ASB9: variants seen among roughly 807,000 people sequenced by gnomAD.
ASB9 encodes ankyrin repeat and SOCS box protein 9.
In ASB9, 5 loss-of-function variants were observed where a neutral mutation model predicts 16.6. That is an observed-to-expected ratio of 0.30 (90% CI 0.16 to 0.63). The LOEUF is 0.63. ASB9 is among the 30% of genes least tolerant of loss of function. The pLI, the probability that ASB9 is intolerant of heterozygous loss-of-function variation, is 0.82. For missense variants in ASB9, 216 were observed against 229.4 expected, an observed-to-expected ratio of 0.94 and a Z score of 0.38; for synonymous variants, 100 against 86.4, an observed-to-expected ratio of 1.16 and a Z score of -0.87.
rs144479992 is a variant in ASB9 at position 15,254,812 on chromosome X, A to G, written c.207T>C (p.His69=). The G allele has an allele frequency of 4.1e-6, 5 of 1,208,588 alleles. No individual in the cohort carries two copies. The highest frequency in any genetic ancestry group is 1.8e-5 in the African/African-American group (1 of 56,826). Residue 69 remains histidine (H), a synonymous_variant, in exon 3 of 7, where the codon CAT becomes CAC. Coordinates refer to ENST00000380488, the MANE Select transcript of ASB9 (RefSeq NM_001031739.3). ...GACAGGCTTCATGGAGTGGGGAAAC[A>G]TGATCTGCCGTGATGATGTTCACAG... The part of the protein sequence containing the change: ...GWAVNIITAD[H]VSPLHEACLG...
At position 15,262,102 on chromosome X, in the gene ASB9, T is replaced by C. The variant is rs777602104; in HGVS notation, c.95-3157A>G. On this transcript the variant is annotated intron_variant, in intron 1 of 6. Coordinates refer to ENST00000380488, the MANE Select transcript of ASB9 (RefSeq NM_001031739.3). ...ATGTTTCAAAGTTTCATCCATGTTG[T>C]AGCGTGCATCAGTACTTCATTCCTT... Among the ~76,000 whole-genome samples, 25 of 104,920 alleles carry C rather than the reference T, an allele frequency of 2.4e-4. No homozygotes were observed. In the East Asian group the frequency reaches 5.2e-3, roughly 22 times the overall value. The allele number at this position is 104,920 out of a possible 115,157, so 91.1% of individuals were successfully genotyped here.
At position 15,250,502 on chromosome X, in the gene ASB9, G is replaced by C; in HGVS notation, c.496C>G (p.His166Asp). The C allele has an allele frequency of 8.3e-7, 1 of 1,209,290 alleles. No homozygotes were observed. Among genetic ancestry groups the C allele is most frequent in the East Asian group, 3.0e-5 (1 of 33,836 alleles). ...YGGNIDHKIS[H>D]LGTPLYLACE... ...GCCAAATAGAGTGGAGTGCCCAGGT[G>C]GCTGATCTTATGGTCAATGTTGCCC... Residue 166 changes from histidine to aspartate, a missense_variant, in exon 5 of 7, where the codon CAC (histidine) becomes GAC (aspartate). His to Asp is a moderately conservative substitution (Grantham distance 81). Transcript: ENST00000380488.
At chrX:15,251,288 C>A (rs1034350834) in intron 4 of ASB9, among the ~76,000 whole-genome samples, 4 of 111,494 alleles carry the variant, frequency 3.6e-5, no homozygotes, top group African/African-American at 1.3e-4. Context: ...AGGAAACTTA[C>A]AACCTCTCCA....
chrX:15,244,388 C>A lies in ASB9; in HGVS notation c.*118G>T. On this transcript the variant is annotated 3_prime_UTR_variant, in exon 7 of 7. Transcript: ENST00000380488. The stretch of plus-strand genomic sequence containing the variant: ...TCCATAAACAAGTTTATAACAAATA[C>A]AAATCTAATCGAAAAAACTAGTCAA... 5.8e-6 allele frequency: 5 copies of A among 868,746 alleles called. No individual in the cohort carries two copies. Among genetic ancestry groups the A allele is most frequent in the Non-Finnish European group, 4.8e-6 (3 of 621,857 alleles). 71.6% of individuals were successfully genotyped at this position (868,746 alleles called of 1,213,427 possible).
At chrX:15,256,475 GA>G (rs1370152038) in intron 2 of ASB9, among the ~76,000 whole-genome samples, 1 of 105,801 alleles carries the variant, frequency 9.5e-6, no homozygotes, top group Non-Finnish European at 1.9e-5. Context: ...GTCCTTTACT[GA>G]AAAAAATTTG....
chrX:15,255,179 CA>C (rs763693763), intron 2 of ASB9, among the ~76,000 whole-genome samples: 2 of 111,216 alleles, frequency 1.8e-5, no homozygotes, highest in African/African-American at 3.3e-5. Context: ...TCAAAAACTG[CA>C]AACAAACCAA....
intron 2 of ASB9, among the ~76,000 whole-genome samples, chrX:15,256,480 A>T (rs1453270422): frequency 6.6e-5 from 7 of 106,463 alleles, no homozygotes; most frequent in Non-Finnish European, 1.2e-4. Context: ...TTACTGAAAA[A>T]AATTTGCCAA....
At chrX:15,267,131 C>T (rs1273952343) in intron 1 of ASB9, among the ~76,000 whole-genome samples, 1 of 113,281 alleles carries the variant, frequency 8.8e-6, no homozygotes, top group Non-Finnish European at 1.9e-5. Flanking sequence ...CACAGTGGCT[C>T]ACACCTGTAA....
At position 15,257,506 on chromosome X, in the gene ASB9, C is replaced by A. The variant is rs771123405; in HGVS notation, c.174+1360G>T. ...AATGAAATACAACAACACAGCTATT[C>A]GTAACACAAAAAGTTTTCACCACAT... is the stretch of plus-strand genomic sequence containing the variant. On this transcript the variant is annotated intron_variant, in intron 2 of 6. Coordinates refer to ENST00000380488, the MANE Select transcript of ASB9 (RefSeq NM_001031739.3). Among the ~76,000 whole-genome samples, 11 of 111,625 alleles carry A rather than the reference C, an allele frequency of 9.9e-5. 1 individual carries two copies. In the South Asian group the frequency reaches 4.1e-3, roughly 42 times the overall value.
chrX:15,256,504 G>A (rs1169282223), intron 2 of ASB9, among the ~76,000 whole-genome samples: 1 of 107,439 alleles, frequency 9.3e-6, no homozygotes, highest in African/African-American at 3.4e-5. Context: ...TTGGCCGGGT[G>A]CAGTGGCTCA....
At chrX:15,249,266 C>T (rs897065631) in intron 5 of ASB9, among the ~76,000 whole-genome samples, 7 of 112,297 alleles carry the variant, frequency 6.2e-5, no homozygotes, top group Non-Finnish European at 1.1e-4. Flanking sequence ...AAGTATTAGC[C>T]AGTACAGCCT....
intron 3 of ASB9, 75 bp from the exon 4 acceptor site, chrX:15,252,479 A>G (rs1236050218): frequency 1.0e-6 from 1 of 973,826 alleles, no homozygotes; most frequent in Non-Finnish European, 1.4e-6. Flanking sequence ...ACCACTCTGA[A>G]GATGTTATTT....
At position 15,244,300 on chromosome X, in the gene ASB9, AGT is replaced by A; in HGVS notation, c.*204_*205del. On this transcript the variant is annotated 3_prime_UTR_variant, in exon 7 of 7. Coordinates refer to ENST00000380488, the MANE Select transcript of ASB9 (RefSeq NM_001031739.3). ...TCTAACTAATAATACAAACGTATGCAGTGTCTTTCAACCCTGGCTTGAGTTTA... is the reference window on the plus strand; with the variant it reads ...TCTAACTAATAATACAAACGTATGCAGTCTTTCAACCCTGGCTTGAGTTTA... The A allele has an allele frequency of 2.4e-6, 1 of 416,810 alleles. No homozygotes were observed. The highest frequency in any genetic ancestry group is 4.0e-6 in the Non-Finnish European group (1 of 247,065). The allele number at this position is 416,810 out of a possible 1,213,427, so 34.3% of individuals were successfully genotyped here. A position where few individuals can be genotyped will look rare whatever the true frequency, so the allele number is the denominator to read the frequency against.
chrX:15,265,647 T>C (rs1225046311), intron 1 of ASB9, among the ~76,000 whole-genome samples: 3 of 110,437 alleles, frequency 2.7e-5, no homozygotes, highest in Admixed American at 9.7e-5. Flanking sequence ...CTGCATTTTT[T>C]TTTTTTGAGA....
rs777954576 is a variant in ASB9 at position 15,269,912 on chromosome X, T to A, written c.-38A>T. Reference sequence around the variant, plus strand: ...TAAGCGAGCAAGCTCTGCGCTCCACTTCAGTTGCTCAGCAAAGTCCAAACT... The same window carrying A: ...TAAGCGAGCAAGCTCTGCGCTCCACATCAGTTGCTCAGCAAAGTCCAAACT... On this transcript the variant is annotated 5_prime_UTR_variant, in exon 1 of 7. In the 5' UTR this introduces an upstream ATG that the reference lacks. Coordinates refer to ENST00000380488, the MANE Select transcript of ASB9 (RefSeq NM_001031739.3). 3 of 1,097,279 alleles carry A rather than the reference T, an allele frequency of 2.7e-6. No homozygotes were observed. The African/African-American group carries it at 5.5e-5, about 20-fold the overall frequency. The allele number at this position is 1,097,279 out of a possible 1,213,427, so 90.4% of individuals were successfully genotyped here. A position where few individuals can be genotyped will look rare whatever the true frequency, so the allele number is the denominator to read the frequency against.
intron 2 of ASB9, among the ~76,000 whole-genome samples, chrX:15,256,775 CAAAA>C (rs1248547700): frequency 2.8e-5 from 1 of 35,998 alleles, no homozygotes; most frequent in African/African-American, 1.0e-4. Context: ...GACTCCGTCT[CAAAA>C]AAAAAAAAAA....
At chrX:15,245,943 G>C (rs967900309) in intron 6 of ASB9, among the ~76,000 whole-genome samples, 3 of 111,745 alleles carry the variant, frequency 2.7e-5, no homozygotes, top group Non-Finnish European at 5.6e-5. Context: ...GTTGGAGTAA[G>C]GCACCTATGA....
chrX:15,256,381 G>C (rs1469804621), intron 2 of ASB9, among the ~76,000 whole-genome samples: 1 of 90,724 alleles, frequency 1.1e-5, no homozygotes, highest in African/African-American at 4.1e-5. Context: ...GCAGTGGCGC[G>C]ATCTCGGGTC....
intron 1 of ASB9, among the ~76,000 whole-genome samples, chrX:15,267,473 G>GCA (rs1926588622): frequency 1.1e-5 from 1 of 89,483 alleles, no homozygotes; most frequent in Non-Finnish European, 2.2e-5. Flanking sequence ...GGCCGGGCGT[G>GCA]GTGGCTCACG....
Sources: allele counts gnomAD v4.1 joint callset (sites outside exome capture counted in the v4.1 genomes callset), GRCh38; gene constraint gnomAD v4.1.1; transcripts MANE v1.5; gene names NCBI Gene and HGNC (gene_info 2026-07-23, HGNC 2026-07-21).